The following SORCS3 variants were observed in gnomAD, a reference collection of about 807,000 sequenced individuals.
The protein encoded by SORCS3 is VPS10 domain-containing receptor SorCS3.
SORCS3 carries 57 observed loss-of-function variants against 146.3 expected under a neutral mutation model. The observed-to-expected ratio is 0.39, with a 90% CI of 0.31 to 0.49. SORCS3 has a LOEUF of 0.49. SORCS3 is among the 20% of genes least tolerant of loss of function. The pLI is 0.92. For synonymous variants in SORCS3, 653 were observed against 618.5 expected (o/e 1.06, Z -0.83); for missense variants, 1,341 against 1,575.5 (o/e 0.85, Z 2.52).
chr10:105,014,901 C>A (rs1264079092), intron 4 of SORCS3, among the ~76,000 whole-genome samples: 1 of 152,174 alleles, frequency 6.6e-6, no homozygotes, highest in Non-Finnish European at 1.5e-5. Flanking sequence ...CTGCTGGTAT[C>A]TTGATCTGGG....
At chr10:105,028,141 T>C (rs1407641412) in intron 4 of SORCS3, among the ~76,000 whole-genome samples, 1 of 152,150 alleles carries the variant, frequency 6.6e-6, no homozygotes, top group Non-Finnish European at 1.5e-5. Context: ...TACTTACGTA[T>C]ATATAAGTAG....
chr10:104,979,495 C>T (rs943740329), intron 4 of SORCS3, among the ~76,000 whole-genome samples: 6 of 152,154 alleles, frequency 3.9e-5, no homozygotes, highest in Non-Finnish European at 7.3e-5. Flanking sequence ...AGCTTCTTCA[C>T]TCTGCTCTCT....
At chr10:104,990,630 A>G (rs1387968113) in intron 4 of SORCS3, among the ~76,000 whole-genome samples, 1 of 152,122 alleles carries the variant, frequency 6.6e-6, no homozygotes, top group Non-Finnish European at 1.5e-5. Context: ...ATGTTACTCT[A>G]GGGAAAAAGG....
chr10:105,012,159 G>A (rs139061617), intron 4 of SORCS3, among the ~76,000 whole-genome samples: 13 of 152,190 alleles, frequency 8.5e-5, no homozygotes, highest in African/African-American at 1.7e-4. Flanking sequence ...ATTTTTAAGC[G>A]CATAGAAGGG....
intron 1 of SORCS3, among the ~76,000 whole-genome samples, chr10:104,710,282 G>A (rs1304991191): frequency 6.6e-6 from 1 of 152,160 alleles, no homozygotes; most frequent in Non-Finnish European, 1.5e-5. Context: ...TTTGACTGAG[G>A]CTGTCAAATC....
chr10:105,250,585 C>T (rs1392764822), intron 22 of SORCS3, among the ~76,000 whole-genome samples: 2 of 152,088 alleles, frequency 1.3e-5, no homozygotes, highest in African/African-American at 4.8e-5. Context: ...CAAAGGGTCA[C>T]ACCAGTCAAG....
chr10:104,655,078 C>T (rs983042727), intron 1 of SORCS3, among the ~76,000 whole-genome samples: 1 of 151,934 alleles, frequency 6.6e-6, no homozygotes, highest in South Asian at 2.1e-4. Context: ...CATGGTGAAA[C>T]CTTGTCTCTA....
chr10:104,830,647 G>A (rs1360134852), intron 1 of SORCS3, among the ~76,000 whole-genome samples: 2 of 152,194 alleles, frequency 1.3e-5, no homozygotes, highest in African/African-American at 4.8e-5. Flanking sequence ...GCTCACAGGA[G>A]AGTTTTAGAA....
intron 3 of SORCS3, among the ~76,000 whole-genome samples, chr10:104,966,556 A>C (rs1334628433): frequency 6.6e-6 from 1 of 152,202 alleles, no homozygotes; most frequent in Non-Finnish European, 1.5e-5. Flanking sequence ...AAAACATTGA[A>C]CTAGAGTGTT....
At chr10:104,983,860 A>G (rs936717451) in intron 4 of SORCS3, among the ~76,000 whole-genome samples, 1 of 152,036 alleles carries the variant, frequency 6.6e-6, no homozygotes, top group African/African-American at 2.4e-5. Flanking sequence ...TCACTGTGGT[A>G]TGAAGGCACC....
chr10:104,805,126 A>G (rs532799667), intron 1 of SORCS3, among the ~76,000 whole-genome samples: 30 of 152,318 alleles, frequency 2.0e-4, no homozygotes, highest in African/African-American at 7.0e-4. Flanking sequence ...TAAGCCATGG[A>G]CCCTGCACTT....
chr10:105,147,828 C>G (rs791126), intron 9 of SORCS3, 32 bp downstream of exon 9: 851,733 of 1,578,672 alleles, frequency 0.54, 232,365 homozygotes, highest in Admixed American at 0.6. Context: ...TCCCTTGGGT[C>G]TGTCTCTCTT....
At chr10:104,752,924 G>A (rs1237131093) in intron 1 of SORCS3, among the ~76,000 whole-genome samples, 3 of 130,880 alleles carry the variant, frequency 2.3e-5, no homozygotes, top group Admixed American at 1.6e-4. Flanking sequence ...AATTCATGGG[G>A]CTTTTGAAGA....
At chr10:104,990,824 C>T (rs952308969) in intron 4 of SORCS3, among the ~76,000 whole-genome samples, 4 of 152,104 alleles carry the variant, frequency 2.6e-5, no homozygotes, top group African/African-American at 7.2e-5. Context: ...AATGGTTTTT[C>T]CCCTGGAGCC....
chr10:105,005,330 A>G (rs998065147), intron 4 of SORCS3, among the ~76,000 whole-genome samples: 2 of 152,220 alleles, frequency 1.3e-5, no homozygotes, highest in African/African-American at 4.8e-5. Flanking sequence ...ATGGAACTAC[A>G]CAAATTTTTG....
At chr10:105,146,323 A>G (rs2056130905) in intron 8 of SORCS3, among the ~76,000 whole-genome samples, 1 of 152,026 alleles carries the variant, frequency 6.6e-6, no homozygotes, top group Non-Finnish European at 1.5e-5. Flanking sequence ...ACTAGGTGTG[A>G]TTTTAGAAAT....
At chr10:105,060,764 C>G (rs1414400797) in intron 5 of SORCS3, among the ~76,000 whole-genome samples, 2 of 151,922 alleles carry the variant, frequency 1.3e-5, no homozygotes, top group Non-Finnish European at 2.9e-5. Flanking sequence ...ATGGAGAAAC[C>G]CCGTCTCTAT....
intron 4 of SORCS3, among the ~76,000 whole-genome samples, chr10:105,016,500 A>G (rs977011225): frequency 6.6e-6 from 1 of 152,088 alleles, no homozygotes; most frequent in Non-Finnish European, 1.5e-5. Context: ...TTTAGCGAGC[A>G]GACACATAAC....
chr10:104,858,951 A>AAAAC (rs1554855015), intron 2 of SORCS3, among the ~76,000 whole-genome samples: 12 of 151,068 alleles, frequency 7.9e-5, no homozygotes, highest in Admixed American at 2.6e-4. Context: ...AAAAAAAAAA[A>AAAAC]AACAACAAAA....
Sources: gnomAD v4.1 joint callset for allele counts (sites outside exome capture counted in the v4.1 genomes callset) on GRCh38, gnomAD v4.1.1 for gene constraint, MANE v1.5 for transcripts, NCBI Gene and HGNC (gene_info 2026-07-23, HGNC 2026-07-21) for gene names.